The following CDH11 variants were observed in gnomAD, a reference collection of about 807,000 sequenced individuals.
The protein encoded by CDH11 is cadherin-11.
A neutral mutation model predicts 67.8 loss-of-function variants in CDH11; 11 were observed. The observed-to-expected ratio is 0.16, with a 90% CI of 0.10 to 0.27. The LOEUF is 0.27. Ranked by LOEUF, CDH11 falls within the 10% of genes least tolerant of loss-of-function variation. The pLI is 1.00. For missense variants in CDH11, 847 were observed against 1,031.2 expected, an observed-to-expected ratio of 0.82 and a Z score of 2.45; for synonymous variants, 419 against 400.0, an observed-to-expected ratio of 1.05 and a Z score of -0.57.
At chr16:65,011,164 G>A (rs1174095677) in intron 2 of CDH11, among the ~76,000 whole-genome samples, 1 of 150,730 alleles carries the variant, frequency 6.6e-6, no homozygotes, top group East Asian at 1.9e-4. Flanking sequence ...TAGGAGGAAA[G>A]TGAGGCTTAG....
intron 1 of CDH11, chr16:65,119,215 G>C (rs1046316152): frequency 4.6e-5 from 7 of 152,076 alleles, no homozygotes; most frequent in Non-Finnish European, 8.8e-5. Context: ...CATTAAAAGA[G>C]CATGAAATTG....
chr16:65,063,967 C>G (rs1228051772), intron 1 of CDH11, among the ~76,000 whole-genome samples: 1 of 152,170 alleles, frequency 6.6e-6, no homozygotes, highest in Middle Eastern at 3.2e-3. Context: ...TGATACTTCT[C>G]TAGTATTCAA....
intron 2 of CDH11, among the ~76,000 whole-genome samples, chr16:65,032,912 T>C (rs1295827827): frequency 6.6e-6 from 1 of 152,066 alleles, no homozygotes; most frequent in Non-Finnish European, 1.5e-5. Context: ...TGGGACAAAA[T>C]AGAGAATCAG....
chr16:64,951,841 A>T (rs570394527), intron 11 of CDH11, among the ~76,000 whole-genome samples: 54 of 152,190 alleles, frequency 3.5e-4, no homozygotes, highest in African/African-American at 1.2e-3. Flanking sequence ...CAGGAGATTT[A>T]TGGTTTCTTT....
At chr16:65,033,512 G>A (rs1015387114) in intron 2 of CDH11, among the ~76,000 whole-genome samples, 2 of 151,998 alleles carry the variant, frequency 1.3e-5, no homozygotes, top group African/African-American at 2.4e-5. Flanking sequence ...AGGCTGAGAC[G>A]GGTGGATCAC....
chr16:65,075,227 T>C (rs2074488941), intron 1 of CDH11, among the ~76,000 whole-genome samples: 1 of 152,220 alleles, frequency 6.6e-6, no homozygotes, highest in Admixed American at 6.5e-5. Context: ...ATGCCTTTAA[T>C]TGTCACCATG....
At chr16:65,086,212 G>T (rs1394072017) in intron 1 of CDH11, among the ~76,000 whole-genome samples, 5 of 152,182 alleles carry the variant, frequency 3.3e-5, no homozygotes, top group African/African-American at 1.2e-4. Context: ...TACAGAAATT[G>T]GTAACGTAGA....
intron 8 of CDH11, among the ~76,000 whole-genome samples, chr16:64,975,414 G>A (rs1456228249): frequency 2.0e-5 from 3 of 152,286 alleles, no homozygotes; most frequent in Admixed American, 1.3e-4. Flanking sequence ...GGAAGTGAGA[G>A]TAGAAGAAGG....
intron 2 of CDH11, among the ~76,000 whole-genome samples, chr16:65,044,733 G>C (rs1172538209): frequency 6.6e-6 from 1 of 152,128 alleles, no homozygotes; most frequent in South Asian, 2.1e-4. Flanking sequence ...GAGTTAAATG[G>C]GAGGGAGGGG....
chr16:64,973,190 G>T (rs2072061827), intron 8 of CDH11, 150 bp from the exon 9 acceptor site: 6 of 785,764 alleles, frequency 7.6e-6, no homozygotes, highest in African/African-American at 1.8e-5. Context: ...TTGAAACTTT[G>T]TACACGATTC....
intron 1 of CDH11, among the ~76,000 whole-genome samples, chr16:65,072,499 C>G (rs1026234203): frequency 6.6e-6 from 1 of 152,096 alleles, no homozygotes; most frequent in Non-Finnish European, 1.5e-5. Flanking sequence ...CTAACAGCAT[C>G]TTCTTGTCCA....
At chr16:64,970,260 A>G (rs1483245219) in intron 11 of CDH11, among the ~76,000 whole-genome samples, 1 of 152,196 alleles carries the variant, frequency 6.6e-6, no homozygotes, top group Non-Finnish European at 1.5e-5. Flanking sequence ...CCATAATTAA[A>G]TACTCACATA....
At chr16:65,076,827 C>G (rs1284826712) in intron 1 of CDH11, among the ~76,000 whole-genome samples, 1 of 152,094 alleles carries the variant, frequency 6.6e-6, no homozygotes, top group Non-Finnish European at 1.5e-5. Flanking sequence ...TGGTTTCCAG[C>G]TTAAACCATG....
intron 6 of CDH11, among the ~76,000 whole-genome samples, chr16:64,990,720 TTAA>T (rs1475887552): frequency 6.6e-6 from 1 of 152,212 alleles, no homozygotes; most frequent in Non-Finnish European, 1.5e-5. Flanking sequence ...ATTACAATTA[TTAA>T]TAATAACCTT....
At chr16:65,002,332 C>T (rs1420210029) in intron 3 of CDH11, among the ~76,000 whole-genome samples, 1 of 152,138 alleles carries the variant, frequency 6.6e-6, no homozygotes, top group East Asian at 1.9e-4. Context: ...AATCTGAACA[C>T]ACACACTGCT....
chr16:64,963,387 AAACCT>A (rs1316674192), intron 11 of CDH11, among the ~76,000 whole-genome samples: 3 of 152,176 alleles, frequency 2.0e-5, no homozygotes, highest in Non-Finnish European at 2.9e-5. Flanking sequence ...AGATCAGCAA[AAACCT>A]CTAAAACTAT....
intron 8 of CDH11, among the ~76,000 whole-genome samples, chr16:64,974,809 T>C (rs1052992926): frequency 2.6e-5 from 4 of 152,120 alleles, no homozygotes; most frequent in Non-Finnish European, 5.9e-5. Context: ...AACACACATG[T>C]GGGAAGAAAG....
intron 2 of CDH11, among the ~76,000 whole-genome samples, chr16:65,021,876 GAAAAAA>G (rs35700448): frequency 1.8e-5 from 2 of 109,860 alleles, no homozygotes; most frequent in Non-Finnish European, 3.6e-5. Context: ...AAGTAACTCA[GAAAAAA>G]AAAAAAAAAA....
intron 1 of CDH11, among the ~76,000 whole-genome samples, chr16:65,103,191 G>A (rs12232421): frequency 0.21 from 32,426 of 152,086 alleles, 3,768 homozygotes; most frequent in Middle Eastern, 0.33. Flanking sequence ...AAGCAGCTTG[G>A]TTTGTTGAGT....
Sources: gnomAD v4.1 joint callset for allele counts (sites outside exome capture counted in the v4.1 genomes callset) on GRCh38, gnomAD v4.1.1 for gene constraint, MANE v1.5 for transcripts, NCBI Gene and HGNC (gene_info 2026-07-23, HGNC 2026-07-21) for gene names.